Variants in ZNF66 observed in about 807,000 individuals in gnomAD.
The protein encoded by ZNF66 is putative zinc finger protein 66.
A neutral mutation model predicts 35.2 loss-of-function variants in ZNF66; 32 were observed. The ratio of observed to expected loss-of-function variants is 0.91; its 90% CI spans 0.69 to 1.22. ZNF66 has a LOEUF of 1.22. Ranked by LOEUF, ZNF66 falls within the 50% of genes most tolerant of loss-of-function variation. The pLI, the probability that ZNF66 is intolerant of heterozygous loss-of-function variation, is 0.00. For missense variants in ZNF66, 666 were observed against 543.1 expected (o/e 1.23, Z -2.25); for synonymous variants, 231 against 181.3 (o/e 1.27, Z -2.20).
intron 1 of ZNF66, among the ~76,000 whole-genome samples, chr19:20,777,941 T>TA (rs1971211068): frequency 6.6e-6 from 1 of 152,322 alleles, no homozygotes; most frequent in African/African-American, 2.4e-5. Flanking sequence ...ATTGAGGAGT[T>TA]ACATGGATTC....
chr19:20,784,597 CA>C (rs1370607554), intron 1 of ZNF66: 1 of 152,134 alleles, frequency 6.6e-6, no homozygotes, highest in Non-Finnish European at 1.5e-5. Flanking sequence ...ATTTCTTCAT[CA>C]AAAAGTGTTG....
intron 1 of ZNF66, among the ~76,000 whole-genome samples, chr19:20,778,086 T>G (rs1971212162): frequency 6.6e-6 from 1 of 152,186 alleles, no homozygotes; most frequent in Non-Finnish European, 1.5e-5. Flanking sequence ...ACTAATTTTT[T>G]ACTACATTAT....
chr19:20,807,230 A>C lies in ZNF66; in HGVS notation c.1630A>C (p.Lys544Gln). 1.4e-6 allele frequency: 1 copy of C among 719,770 alleles called. No individual in the cohort carries two copies. The highest frequency in any genetic ancestry group is 2.5e-6 in the Non-Finnish European group (1 of 404,484). 44.6% of individuals were successfully genotyped at this position (719,770 alleles called of 1,614,324 possible). A position where few individuals can be genotyped will look rare whatever the true frequency, so the allele number is the denominator to read the frequency against. The change falls in exon 4 of 4, where the codon AAA becomes CAA. Residue 544 changes from lysine to glutamine, a missense_variant. Physicochemically the swap from Lys to Gln is moderately conservative, Grantham distance 53. Coordinates refer to ENST00000344519, the MANE Select transcript of ZNF66 (RefSeq NM_001355197.2). ...GKPHKCNKCG[K>Q]AFISSSNLSR... ...ACCACACAAGTGCAATAAATGTGGC[A>C]AAGCCTTTATTTCATCCTCAAACCT...
At position 20,808,859 on chromosome 19, in the gene ZNF66, G is replaced by A. The variant is rs1971555955; in HGVS notation, c.*1537G>A. ...AAGCTGGATGGAGAATGACTTTGAT[G>A]AGTTGAGAGAAGAAGGCTTCAGACG... On this transcript the variant is annotated 3_prime_UTR_variant, in exon 4 of 4. Coordinates refer to ENST00000344519, the MANE Select transcript of ZNF66 (RefSeq NM_001355197.2). Among the ~76,000 whole-genome samples the A allele has an allele frequency of 1.3e-5, 2 of 152,154 alleles. No individual in the cohort carries two copies. The highest frequency in any genetic ancestry group is 2.9e-5 in the Non-Finnish European group (2 of 68,034).
At chr19:20,788,976 A>G (rs971719787) in intron 1 of ZNF66, among the ~76,000 whole-genome samples, 1 of 151,996 alleles carries the variant, frequency 6.6e-6, no homozygotes. Flanking sequence ...ACTTGAACCC[A>G]GGAGGCAGAG....
chr19:20,783,311 A>C (rs903328480), intron 1 of ZNF66, among the ~76,000 whole-genome samples: 3 of 152,182 alleles, frequency 2.0e-5, no homozygotes, highest in Non-Finnish European at 2.9e-5. Flanking sequence ...AAGAGTTCAA[A>C]ACTATTTAAA....
At position 20,809,114 on chromosome 19, in the gene ZNF66, T is replaced by C. The variant is rs1222002291; in HGVS notation, c.*1792T>C. Among the ~76,000 whole-genome samples the C allele has an allele frequency of 6.6e-6, 1 of 151,438 alleles. No homozygotes were observed. Among genetic ancestry groups the C allele is most frequent in the Non-Finnish European group, 1.5e-5 (1 of 67,878 alleles). On this transcript the variant is annotated 3_prime_UTR_variant, in exon 4 of 4. Coordinates refer to ENST00000344519, the MANE Select transcript of ZNF66 (RefSeq NM_001355197.2). ...GGAAGATGAAATGAATGAAATGAAGTGAGAAGGGAAGTTTAGAGAAAAAAA... is the reference window on the plus strand; with the variant it reads ...GGAAGATGAAATGAATGAAATGAAGCGAGAAGGGAAGTTTAGAGAAAAAAA...
At chr19:20,788,694 C>T (rs1237322850) in intron 1 of ZNF66, among the ~76,000 whole-genome samples, 4 of 152,080 alleles carry the variant, frequency 2.6e-5, no homozygotes, top group Non-Finnish European at 4.4e-5. Context: ...TGAGCCACCA[C>T]GCCTGGCCAT....
rs1246883665 is a variant in ZNF66, at chr19:20,806,114, C to G, written c.514C>G (p.Pro172Ala). The G allele has an allele frequency of 1.0e-6, 1 of 996,642 alleles. No homozygotes were observed. Among genetic ancestry groups the G allele is most frequent in the African/African-American group, 1.6e-5 (1 of 62,916 alleles). The allele number at this position is 996,642 out of a possible 1,614,324, so 61.7% of individuals were successfully genotyped here. Residue 172 changes from proline to alanine, a missense_variant, in exon 4 of 4, where the codon CCT becomes GCT. Transcript: ENST00000344519. Reference sequence around the variant, plus strand: ...TAAGATAAGACATACTGGAAAAAACCCTTGCAAATTTACAGAATGTGGCAA... The same window carrying G: ...TAAGATAAGACATACTGGAAAAAACGCTTGCAAATTTACAGAATGTGGCAA... ...RHKIRHTGKN[P>A]CKFTECGKAF...
chr19:20,781,473 T>A (rs1236960906), intron 1 of ZNF66, among the ~76,000 whole-genome samples: 1 of 152,118 alleles, frequency 6.6e-6, no homozygotes, highest in African/African-American at 2.4e-5. Flanking sequence ...TTATAAATGA[T>A]AGTACATTCA....
intron 1 of ZNF66, among the ~76,000 whole-genome samples, chr19:20,785,936 G>C (rs889313840): frequency 5.9e-5 from 9 of 151,796 alleles, no homozygotes; most frequent in Non-Finnish European, 1.3e-4. Context: ...TCATTTTCAT[G>C]TTGTTAGTAA....
chr19:20,780,314 T>C (rs1971234443), intron 1 of ZNF66, among the ~76,000 whole-genome samples: 2 of 152,176 alleles, frequency 1.3e-5, no homozygotes, highest in South Asian at 4.1e-4. Flanking sequence ...GTATTATCTA[T>C]GTGTTTCATC....
Position 20,792,594 on chromosome 19 carries a change from A to G in ZNF66, c.86A>G (p.Tyr29Cys), listed in dbSNP as rs747760097. The change falls in exon 2 of 4, where the codon TAT becomes TGT. Residue 29 changes from tyrosine to cysteine, a missense_variant. Physicochemically the swap from Tyr to Cys is radical, Grantham distance 194. Transcript: ENST00000344519. ...HCLDMAQRNL[Y>C]RDVMLENYRN... ...CTGGACATGGCACAGCGGAATTTATATAGGGATGTGATGTTAGAGAACTAC... is the reference window on the plus strand; with the variant it reads ...CTGGACATGGCACAGCGGAATTTATGTAGGGATGTGATGTTAGAGAACTAC... 2.7e-6 allele frequency: 4 copies of G among 1,497,360 alleles called. No homozygotes were observed. The South Asian group carries it at 3.4e-5, about 13-fold the overall frequency. The allele number at this position is 1,497,360 out of a possible 1,614,324, so 92.8% of individuals were successfully genotyped here. A position where few individuals can be genotyped will look rare whatever the true frequency, so the allele number is the denominator to read the frequency against.
intron 1 of ZNF66, among the ~76,000 whole-genome samples, chr19:20,776,818 A>G (rs976891796): frequency 3.9e-5 from 6 of 152,212 alleles, no homozygotes; most frequent in South Asian, 2.1e-4. Context: ...CTTTTCTGCT[A>G]TTAAAATTGT....
chr19:20,798,011 A>G (rs1475836669), intron 3 of ZNF66, among the ~76,000 whole-genome samples: 3 of 152,074 alleles, frequency 2.0e-5, no homozygotes, highest in Non-Finnish European at 2.9e-5. Flanking sequence ...ATCAGGTTAC[A>G]TATGTATGTC....
intron 3 of ZNF66, among the ~76,000 whole-genome samples, chr19:20,805,470 G>A (rs1971492645): frequency 6.6e-6 from 1 of 152,036 alleles, no homozygotes; most frequent in African/African-American, 2.4e-5. Flanking sequence ...GAGATTACTG[G>A]TGTGAGCCAT....
At chr19:20,803,249 A>C (rs1971467200) in intron 3 of ZNF66, among the ~76,000 whole-genome samples, 1 of 151,766 alleles carries the variant, frequency 6.6e-6, no homozygotes, top group South Asian at 2.1e-4. Context: ...TCTGCAAAAG[A>C]AAAACTTATT....
intron 3 of ZNF66, among the ~76,000 whole-genome samples, chr19:20,805,096 G>A (rs1971487048): frequency 6.8e-6 from 1 of 146,864 alleles, no homozygotes. Context: ...CCAGGATTTG[G>A]CAATTTACAT....
intron 3 of ZNF66, among the ~76,000 whole-genome samples, chr19:20,795,935 T>C (rs1334654646): frequency 6.6e-6 from 1 of 152,204 alleles, no homozygotes; most frequent in African/African-American, 2.4e-5. Context: ...TCTGTAGCCA[T>C]GAGTAGGGGT....
Sources: gnomAD v4.1 joint callset for allele counts (sites outside exome capture counted in the v4.1 genomes callset) on GRCh38, gnomAD v4.1.1 for gene constraint, MANE v1.5 for transcripts, NCBI Gene and HGNC (gene_info 2026-07-23, HGNC 2026-07-21) for gene names.